The following COLEC10 variants were observed in gnomAD, a reference collection of about 807,000 sequenced individuals.
COLEC10 encodes collectin subfamily member 10, also known as collectin-10.
Under a neutral mutation model 28.4 loss-of-function variants are expected in COLEC10, and 22 were observed. The observed-to-expected ratio is 0.78, with a 90% CI of 0.55 to 1.11. The LOEUF is 1.11. Ranked by LOEUF, COLEC10 falls within the 50% of genes least tolerant of loss-of-function variation. The pLI is 0.00. For synonymous variants in COLEC10, 125 were observed against 116.1 expected, an observed-to-expected ratio of 1.08 and a Z score of -0.49; for missense variants, 361 against 344.1, an observed-to-expected ratio of 1.05 and a Z score of -0.39.
At chr8:118,979,783 T>C in the COLEC10 span, among the ~76,000 whole-genome samples, 3 of 152,162 alleles carry the variant, frequency 2.0e-5, no homozygotes, top group African/African-American at 7.2e-5. Flanking sequence ...ATGTCTGGAA[T>C]AGCTTTCTAG....
At chr8:119,073,356 A>G (rs1815162277) in intron 1 of COLEC10, among the ~76,000 whole-genome samples, 1 of 151,886 alleles carries the variant, frequency 6.6e-6, no homozygotes, top group African/African-American at 2.4e-5. Flanking sequence ...AGATCAATGT[A>G]TAAACATGAC....
chr8:118,963,737 T>C, the COLEC10 span, among the ~76,000 whole-genome samples: 1 of 152,216 alleles, frequency 6.6e-6, no homozygotes, highest in Non-Finnish European at 1.5e-5. Context: ...TTGCTTTTTT[T>C]TCTGTCTTTC....
the COLEC10 span, among the ~76,000 whole-genome samples, chr8:118,970,846 A>G: frequency 6.6e-6 from 1 of 152,120 alleles, no homozygotes; most frequent in East Asian, 1.9e-4. Flanking sequence ...TTGATCAATG[A>G]GCACAAGCAT....
At chr8:119,071,397 C>T (rs1815121830) in intron 1 of COLEC10, among the ~76,000 whole-genome samples, 1 of 152,148 alleles carries the variant, frequency 6.6e-6, no homozygotes, top group Admixed American at 6.5e-5. Context: ...TCATTTCAAA[C>T]TGCTCTTTTC....
the COLEC10 span, among the ~76,000 whole-genome samples, chr8:118,977,301 G>A: frequency 2.2e-4 from 33 of 147,930 alleles, no homozygotes; most frequent in African/African-American, 3.2e-4. Context: ...ACATGCACAC[G>A]TATGTTTATT....
intron 1 of COLEC10, among the ~76,000 whole-genome samples, chr8:119,079,529 A>G (rs534127396): frequency 2.5e-4 from 38 of 152,240 alleles, no homozygotes; most frequent in African/African-American, 8.9e-4. Flanking sequence ...ATAATGAATG[A>G]TATGTGAAGG....
intron 2 of COLEC10, among the ~76,000 whole-genome samples, chr8:119,043,720 A>G (rs1276902615): frequency 1.3e-5 from 2 of 152,212 alleles, no homozygotes; most frequent in Non-Finnish European, 2.9e-5. Flanking sequence ...TGTTTTATAT[A>G]TGCATATGAA....
chr8:119,073,904 CTT>C (rs1156602472), intron 1 of COLEC10, among the ~76,000 whole-genome samples: 2 of 151,166 alleles, frequency 1.3e-5, no homozygotes, highest in African/African-American at 2.4e-5. Flanking sequence ...ATATCATAGA[CTT>C]TTATATATGT....
At chr8:119,056,949 C>T (rs1326065004) in intron 2 of COLEC10, among the ~76,000 whole-genome samples, 1 of 152,038 alleles carries the variant, frequency 6.6e-6, no homozygotes, top group Non-Finnish European at 1.5e-5. Flanking sequence ...ACATCATTCT[C>T]TCAACTAAGA....
Position 119,106,774 on chromosome 8 carries a change from C to T in COLEC10, c.*583C>T, listed in dbSNP as rs527430078. Reference sequence around the variant, plus strand: ...CCCCAAACCTTTATATGGGGGACTTCTAGCTTTGTGTCTTGTTTCAGACCA... The same window carrying T: ...CCCCAAACCTTTATATGGGGGACTTTTAGCTTTGTGTCTTGTTTCAGACCA... On this transcript the variant is annotated 3_prime_UTR_variant, in exon 6 of 6. Transcript: ENST00000332843. Among the ~76,000 whole-genome samples, 78 of 152,270 alleles carry T rather than the reference C, an allele frequency of 5.1e-4. No individual in the cohort carries two copies. The highest frequency in any genetic ancestry group is 1.7e-3 in the African/African-American group (72 of 41,558).
chr8:118,954,288 C>G, the COLEC10 span, among the ~76,000 whole-genome samples: 2 of 152,318 alleles, frequency 1.3e-5, no homozygotes, highest in East Asian at 3.9e-4. Context: ...ACTGTGGGCC[C>G]TTTATTCATC....
chr8:119,022,167 C>A (rs1157382052), intron 2 of COLEC10, among the ~76,000 whole-genome samples: 1 of 151,996 alleles, frequency 6.6e-6, no homozygotes, highest in Admixed American at 6.6e-5. Flanking sequence ...ATAGAACTAT[C>A]AAAAGTATAT....
intron 2 of COLEC10, among the ~76,000 whole-genome samples, chr8:119,035,381 C>A (rs201640377): frequency 6.6e-6 from 1 of 152,170 alleles, no homozygotes; most frequent in East Asian, 1.9e-4. Context: ...GCATGAACAG[C>A]ATATTAATAT....
At chr8:119,032,357 G>T (rs1814303449) in intron 2 of COLEC10, among the ~76,000 whole-genome samples, 1 of 151,712 alleles carries the variant, frequency 6.6e-6, no homozygotes, top group Non-Finnish European at 1.5e-5. Flanking sequence ...TAGTGATTCT[G>T]AGTGCAAAGG....
chr8:119,041,155 G>A (rs1361034270), intron 2 of COLEC10, among the ~76,000 whole-genome samples: 1 of 152,162 alleles, frequency 6.6e-6, no homozygotes, highest in Non-Finnish European at 1.5e-5. Context: ...CTAAAACGTG[G>A]TGGAGCTCAG....
At chr8:118,965,855 C>T in the COLEC10 span, among the ~76,000 whole-genome samples, 1 of 151,874 alleles carries the variant, frequency 6.6e-6, no homozygotes, top group African/African-American at 2.4e-5. Flanking sequence ...TCAGGTCAGG[C>T]GAGTGAGTAG....
At chr8:119,027,270 T>C (rs878884360) in intron 2 of COLEC10, among the ~76,000 whole-genome samples, 1 of 152,282 alleles carries the variant, frequency 6.6e-6, no homozygotes, top group East Asian at 1.9e-4. Flanking sequence ...TATCAAAAGA[T>C]ATAACCTTGG....
At chr8:119,057,942 A>G (rs571361745) in intron 2 of COLEC10, among the ~76,000 whole-genome samples, 48 of 152,184 alleles carry the variant, frequency 3.2e-4, no homozygotes, top group Middle Eastern at 3.4e-3. Context: ...TTTTGTAATT[A>G]ACTTTATAAT....
chr8:119,000,343 A>G (rs952605785), intron 1 of COLEC10, among the ~76,000 whole-genome samples: 1 of 152,186 alleles, frequency 6.6e-6, no homozygotes, highest in Non-Finnish European at 1.5e-5. Flanking sequence ...ATAGGATTAT[A>G]TGGCATTGTG....
Sources: allele counts gnomAD v4.1 joint callset (sites outside exome capture counted in the v4.1 genomes callset), GRCh38; gene constraint gnomAD v4.1.1; transcripts MANE v1.5; gene names NCBI Gene and HGNC (gene_info 2026-07-23, HGNC 2026-07-21).